PCDHGB6: variants seen among roughly 807,000 people sequenced by gnomAD.
PCDHGB6 encodes the protein protocadherin gamma-B6.
PCDHGB6 carries 51 observed loss-of-function variants against 59.1 expected under a neutral mutation model. That is an observed-to-expected ratio of 0.86 (90% CI 0.69 to 1.09). The LOEUF (loss-of-function observed/expected upper bound fraction) is 1.09, where lower values mean the gene tolerates loss of function less well. Among genes scored for constraint, PCDHGB6 ranks in the 50% least tolerant of loss-of-function variants. PCDHGB6 has a pLI of 0.00. For synonymous variants in PCDHGB6, 466 were observed against 495.1 expected, an observed-to-expected ratio of 0.94 and a Z score of 0.78; for missense variants, 1,148 against 1,205.1, an observed-to-expected ratio of 0.95 and a Z score of 0.70.
intron 1 of PCDHGB6, among the ~76,000 whole-genome samples, chr5:141,460,889 G>A (rs901987902): frequency 3.3e-5 from 5 of 150,280 alleles, no homozygotes; most frequent in East Asian, 3.9e-4. Flanking sequence ...ATGCCTTTTC[G>A]TGGCTGAGTA....
rs749937052 is a variant in PCDHGB6, at chr5:141,490,441, G to A, written c.2419-4366G>A. ...CCTGCCATTTCAGATTAAGCCTTCT[G>A]AGAACCACTACTCGCTGCTAACCAG... On this transcript the variant is annotated intron_variant, in intron 1 of 3. Coordinates refer to ENST00000520790, the MANE Select transcript of PCDHGB6 (RefSeq NM_018926.3). The surrounding 1 kb of genome is among the most constrained non-coding windows in gnomAD (Gnocchi z 5.4). The A allele has an allele frequency of 9.3e-6, 15 of 1,614,208 alleles. No homozygotes were observed. The highest frequency in any genetic ancestry group is 1.2e-5 in the Non-Finnish European group (14 of 1,180,042).
At chr5:141,428,185 G>T (rs775261215) in intron 1 of PCDHGB6, 286 of 1,446,232 alleles carry the variant, frequency 2.0e-4, no homozygotes, top group Non-Finnish European at 2.5e-4. Context: ...GAGGACAGCC[G>T]CCGCTCTCTG....
chr5:141,484,869 G>C (rs2154580238), intron 1 of PCDHGB6: 1 of 292,558 alleles, frequency 3.4e-6, no homozygotes, highest in African/African-American at 2.2e-5. Flanking sequence ...GGGGGAGCGT[G>C]GAGGATAGGG....
chr5:141,420,080 C>G, intron 1 of PCDHGB6: 2 of 1,614,010 alleles, frequency 1.2e-6, no homozygotes, highest in African/African-American at 1.3e-5. Flanking sequence ...TGTGGGTCCC[C>G]CCAACTACAG....
In PCDHGB6 at chr5:141,487,470, G is replaced by C; in HGVS notation, c.2419-7337G>C. ...GACCCTATCAAGTTTGTTGATGTGG[G>C]AGGCCACTCTCATGGCTGTACACCC... On this transcript the variant is annotated intron_variant, in intron 1 of 3. Coordinates refer to ENST00000520790, the MANE Select transcript of PCDHGB6 (RefSeq NM_018926.3). The surrounding 1 kb of genome is among the most constrained non-coding windows in gnomAD (Gnocchi z 5.0). The C allele has an allele frequency of 1.9e-6, 3 of 1,614,162 alleles. No individual in the cohort carries two copies. Among genetic ancestry groups the C allele is most frequent in the South Asian group, 1.1e-5 (1 of 91,084 alleles).
In PCDHGB6 at chr5:141,432,071, A is replaced by G; in HGVS notation, c.2418+21451A>G. On this transcript the variant is annotated intron_variant, in intron 1 of 3. Transcript: ENST00000520790. The surrounding 1 kb of genome is among the most constrained non-coding windows in gnomAD (Gnocchi z 6.0). ...CCCGCCCCTATCCACGGAAACTCAT[A>G]TCTCGCTGAACGTGGCAGACACCAA... is the stretch of plus-strand genomic sequence containing the variant. 2 of 1,614,158 alleles carry G rather than the reference A, an allele frequency of 1.2e-6. No individual in the cohort carries two copies. The highest frequency in any genetic ancestry group is 1.7e-6 in the Non-Finnish European group (2 of 1,180,032).
At chr5:141,429,385 T>A (rs1274446916) in intron 1 of PCDHGB6, among the ~76,000 whole-genome samples, 1 of 151,844 alleles carries the variant, frequency 6.6e-6, no homozygotes, top group Non-Finnish European at 1.5e-5. Flanking sequence ...GTGTTTTTTT[T>A]TTAAAAAAAA....
At chr5:141,471,660 A>G (rs1010236543) in intron 1 of PCDHGB6, 12 of 152,184 alleles carry the variant, frequency 7.9e-5, no homozygotes, top group Non-Finnish European at 1.8e-4. Flanking sequence ...GTGGGGATGC[A>G]GAAAAAAATA....
At chr5:141,414,313 T>C in intron 1 of PCDHGB6, 1 of 1,613,748 alleles carries the variant, frequency 6.2e-7, no homozygotes, top group Non-Finnish European at 8.5e-7. Context: ...TGATTTAGAC[T>C]CTGAGCAGAA....
chr5:141,458,694 C>T (rs905547768), intron 1 of PCDHGB6, among the ~76,000 whole-genome samples: 3 of 152,018 alleles, frequency 2.0e-5, no homozygotes, highest in Non-Finnish European at 2.9e-5. Flanking sequence ...CTCAGCCTCC[C>T]GAGTAGCTGG....
chr5:141,503,598 CAAAAA>C (rs765754054), intron 2 of PCDHGB6, among the ~76,000 whole-genome samples: 1 of 65,760 alleles, frequency 1.5e-5, no homozygotes, highest in African/African-American at 4.7e-5. Context: ...GACTCCAGCT[CAAAAA>C]AAAAAAAAAA....
At position 141,511,355 on chromosome 5, in the gene PCDHGB6, G is replaced by A; in HGVS notation, c.*182G>A. On this transcript the variant is annotated 3_prime_UTR_variant, in exon 4 of 4. Coordinates refer to ENST00000520790, the MANE Select transcript of PCDHGB6 (RefSeq NM_018926.3). ...TCAGCACCTACCCCTTCCCCCCCAG[G>A]GGGTTGAATATGCAAAAGCAGTTCC... 4 of 1,379,256 alleles carry A rather than the reference G, an allele frequency of 2.9e-6. No individual in the cohort carries two copies. The highest frequency in any genetic ancestry group is 3.9e-6 in the Non-Finnish European group (4 of 1,035,886). 85.4% of individuals were successfully genotyped at this position (1,379,256 alleles called of 1,614,324 possible).
chr5:141,421,513 C>G lies in PCDHGB6; in HGVS notation c.2418+10893C>G, dbSNP rs368199651. ...GGCAGGCAGGATAGACCGGGAGGAG[C>G]TCTGTGAGACGGTGTCCTCCTGTTT... On this transcript the variant is annotated intron_variant, in intron 1 of 3. Coordinates refer to ENST00000520790, the MANE Select transcript of PCDHGB6 (RefSeq NM_018926.3). 61 of 1,614,078 alleles carry G rather than the reference C, an allele frequency of 3.8e-5. No individual in the cohort carries two copies. The African/African-American group carries it at 7.5e-4, about 20-fold the overall frequency.
chr5:141,433,397 A>ATCTATCTATCTG (rs2097600396), intron 1 of PCDHGB6, among the ~76,000 whole-genome samples: 2 of 150,410 alleles, frequency 1.3e-5, no homozygotes, highest in African/African-American at 2.5e-5. Flanking sequence ...CTATCTATCT[A>ATCTATCTATCTG]TCTATCTATT....
rs2095403267 is a variant in PCDHGB6, at chr5:141,410,523, A to C, written c.2321A>C (p.His774Pro). 2 of 1,613,800 alleles carry C rather than the reference A, an allele frequency of 1.2e-6. No individual in the cohort carries two copies. Among genetic ancestry groups the C allele is most frequent in the African/African-American group, 2.7e-5 (2 of 74,910 alleles). Reference protein sequence around the residue: ...FNFLKCSVPLHSNEDMVCSVS... With the variant: ...FNFLKCSVPLPSNEDMVCSVS... ...TTCCTAAAATGCAGTGTGCCCCTAC[A>C]TTCCAATGAAGACATGGTTTGCAGT... The change falls in exon 1 of 4, where the codon CAT (histidine) becomes CCT (proline). Residue 774 changes from histidine (H) to proline (P), a missense_variant. Physicochemically the swap from His to Pro is moderately conservative, Grantham distance 77. Coordinates refer to ENST00000520790, the MANE Select transcript of PCDHGB6 (RefSeq NM_018926.3).
rs201968743 is a variant in PCDHGB6, at chr5:141,490,095, A to G, written c.2419-4712A>G. On this transcript the variant is annotated intron_variant, in intron 1 of 3. Coordinates refer to ENST00000520790, the MANE Select transcript of PCDHGB6 (RefSeq NM_018926.3). The surrounding 1 kb of genome is among the most constrained non-coding windows in gnomAD (Gnocchi z 5.4). ...TAGACTATTCTTTTGGAGACCACAC[A>G]TCTGAGGCAGTGCGGAACCTCTTTG... 2.4e-4 allele frequency: 394 copies of G among 1,614,156 alleles called. No individual in the cohort carries two copies. The highest frequency in any genetic ancestry group is 3.1e-4 in the Non-Finnish European group (363 of 1,180,054).
chr5:141,408,692 A>C lies in PCDHGB6; in HGVS notation c.490A>C (p.Ile164Leu). Residue 164 changes from isoleucine (I) to leucine (L), a missense_variant, in exon 1 of 4, where the codon ATA (isoleucine) becomes CTA (leucine). By Grantham distance (5) the Ile-to-Leu change is conservative (BLOSUM62 2). Coordinates refer to ENST00000520790, the MANE Select transcript of PCDHGB6 (RefSeq NM_018926.3). ...CCCTGCCACGGATCCTGATATAAAC[A>C]TAAACTCAATTAAAGATTATAAGAT... ...LDPATDPDININSIKDYKINS... is the reference protein window; with the variant it reads ...LDPATDPDINLNSIKDYKINS... 1 of 1,613,906 alleles carries C rather than the reference A, an allele frequency of 6.2e-7. No homozygotes were observed. Among genetic ancestry groups the C allele is most frequent in the Non-Finnish European group, 8.5e-7 (1 of 1,179,812 alleles).
In PCDHGB6 at chr5:141,431,538, AGCTGCTTGTAGTCAAC is replaced by A; in HGVS notation, c.2418+20922_2418+20937del. 2 of 1,614,114 alleles carry A rather than the reference AGCTGCTTGTAGTCAAC, an allele frequency of 1.2e-6. No homozygotes were observed. Among genetic ancestry groups the A allele is most frequent in the Non-Finnish European group, 1.7e-6 (2 of 1,180,024 alleles). ...CCGGAGAATCTGGCCTTGGGCACGC[AGCTGCTTGTAGTCAAC>A]GCTACCGACCCTGACGAAGGAGTCA... On this transcript the variant is annotated intron_variant, in intron 1 of 3. Coordinates refer to ENST00000520790, the MANE Select transcript of PCDHGB6 (RefSeq NM_018926.3). This position sits in a 1 kb window ranked among gnomAD's most constrained non-coding sequence, Gnocchi z 4.8.
chr5:141,456,715 A>G (rs2098881350), intron 1 of PCDHGB6, among the ~76,000 whole-genome samples: 1 of 152,204 alleles, frequency 6.6e-6, no homozygotes, highest in South Asian at 2.1e-4. Flanking sequence ...CTGTAATCCC[A>G]GCACTTTGGG....
Sources: gnomAD v4.1 joint callset for allele counts (sites outside exome capture counted in the v4.1 genomes callset) on GRCh38, gnomAD v4.1.1 for gene constraint, Gnocchi (gnomAD v3.1) non-coding constraint, MANE v1.5 for transcripts, NCBI Gene and HGNC (gene_info 2026-07-23, HGNC 2026-07-21) for gene names.